CCDC30: variants seen among roughly 807,000 people sequenced by gnomAD.
CCDC30 encodes the protein coiled-coil domain containing 30, also known as coiled-coil domain-containing protein 30.
CCDC30 carries 70 observed loss-of-function variants against 100.2 expected under a neutral mutation model. That is an observed-to-expected ratio of 0.70 (90% CI 0.58 to 0.85). The LOEUF is 0.85. CCDC30 is among the 40% of genes least tolerant of loss of function. The pLI, the probability that CCDC30 is intolerant of heterozygous loss-of-function variation, is 0.00. For missense variants in CCDC30, 652 were observed against 771.2 expected, an observed-to-expected ratio of 0.85 and a Z score of 1.83; for synonymous variants, 233 against 269.5, an observed-to-expected ratio of 0.86 and a Z score of 1.33.
At chr1:42,548,512 A>G (rs1388567654) in intron 6 of CCDC30, among the ~76,000 whole-genome samples, 3 of 152,140 alleles carry the variant, frequency 2.0e-5, no homozygotes, top group East Asian at 3.9e-4. Context: ...TTATCAGTAA[A>G]ATGGATAGAA....
exon 15 of CCDC30, chr1:42,646,210 A>C: frequency 6.3e-7 from 1 of 1,579,868 alleles, no homozygotes; most frequent in Non-Finnish European, 8.6e-7. Flanking sequence ...AAAGAAACAG[A>C]AAGAAATATA....
chr1:42,528,527 G>C (rs979510459), intron 6 of CCDC30, among the ~76,000 whole-genome samples: 4 of 152,174 alleles, frequency 2.6e-5, no homozygotes, highest in Admixed American at 6.5e-5. Context: ...TTAAATGAGA[G>C]GGAGAAAGAA....
At chr1:42,581,087 C>T in intron 8 of CCDC30, 1 of 379,346 alleles carries the variant, frequency 2.6e-6, no homozygotes, top group Non-Finnish European at 4.9e-6. Context: ...GCGATTCACC[C>T]AGCTCAGCCT....
rs150309512 is a variant in CCDC30 at position 42,625,011 on chromosome 1, C to G, written c.1278-12226C>G. On this transcript the variant is annotated intron_variant, in intron 11 of 16. Transcript: ENST00000668663. ...AATTCAGCAGTGAAGCCATTGGGTT[C>G]TGGCCTTTTCTTTACTGGGGGACTT... Among the ~76,000 whole-genome samples, 688 of 152,116 alleles carry G rather than the reference C, an allele frequency of 4.5e-3. 7 individuals carry two copies. The highest frequency in any genetic ancestry group is 0.016 in the African/African-American group (653 of 41,494).
At chr1:42,589,245 T>G in intron 9 of CCDC30, 76 bp from the exon 14 acceptor site, 2 of 1,228,800 alleles carry the variant, frequency 1.6e-6, no homozygotes, top group East Asian at 2.4e-5. Context: ...AAATCCCTTG[T>G]GATGCCATAA....
At chr1:42,524,433 A>G (rs1245717991) in intron 6 of CCDC30, among the ~76,000 whole-genome samples, 1 of 152,142 alleles carries the variant, frequency 6.6e-6, no homozygotes, top group Admixed American at 6.5e-5. Flanking sequence ...AAAAAGAGAA[A>G]AATTAAGGAG....
In CCDC30 at chr1:42,610,993, C is replaced by T. The variant is rs1337346606; in HGVS notation, c.1180C>T (p.Gln394Ter). ...TGTTTTTCAGCATGTCAAAAGCAAC[C>T]AGGAATTGTCAGAGAAGCTATCTAA... Residue 394 changes from glutamine (Q) to a stop codon, truncating the protein, a stop_gained, in exon 11 of 17, where the codon CAG (glutamine) becomes TAG (stop). Transcript: ENST00000668663. LOFTEE classifies it high-confidence loss of function. The T allele has an allele frequency of 1.2e-6, 2 of 1,603,756 alleles. No homozygotes were observed. Among genetic ancestry groups the T allele is most frequent in the South Asian group, 2.2e-5 (2 of 90,590 alleles).
chr1:42,493,233 A>T (rs766605676), intron 4 of CCDC30, among the ~76,000 whole-genome samples: 68 of 152,218 alleles, frequency 4.5e-4, no homozygotes, highest in Middle Eastern at 3.4e-3. Flanking sequence ...TAAGAACAGA[A>T]TAAGAAGAGA....
At chr1:42,457,181 T>A in the CCDC30 span, 30 of 1,603,630 alleles carry the variant, frequency 1.9e-5, no homozygotes, top group Non-Finnish European at 2.3e-5. Flanking sequence ...GGAACCCGAG[T>A]TGAGAAGGAG....
intron 6 of CCDC30, among the ~76,000 whole-genome samples, chr1:42,555,931 C>T (rs1352992151): frequency 1.3e-5 from 2 of 152,180 alleles, no homozygotes; most frequent in Non-Finnish European, 2.9e-5. Context: ...ATCAGGTGAT[C>T]CGCCCATCTC....
intron 6 of CCDC30, among the ~76,000 whole-genome samples, chr1:42,507,470 A>C (rs573527001): frequency 6.6e-6 from 1 of 152,298 alleles, no homozygotes; most frequent in South Asian, 2.1e-4. Flanking sequence ...TCTTTCCATA[A>C]CTTGCTTAAA....
rs1306805697 is a variant in CCDC30, at chr1:42,615,182, T to C, written c.1277+4092T>C. ...GGTCAAAGAGTCCAGGGTGAAGTCA[T>C]AGGACAGGGAGATGAAGTAGCTATA... On this transcript the variant is annotated intron_variant, in intron 11 of 16. Transcript: ENST00000668663. Among the ~76,000 whole-genome samples, 3 of 152,172 alleles carry C rather than the reference T, an allele frequency of 2.0e-5. No homozygotes were observed. The East Asian group carries it at 5.8e-4, about 29-fold the overall frequency.
rs1166253995 is a variant in CCDC30, at chr1:42,636,965, C to CAAAAAAAAA, written c.1278-253_1278-245dup. Among the ~76,000 whole-genome samples, 97 of 29,514 alleles carry CAAAAAAAAA rather than the reference C, an allele frequency of 3.3e-3. 8 individuals are homozygous for CAAAAAAAAA. The highest frequency in any genetic ancestry group is 8.8e-3 in the South Asian group (3 of 342). 19.4% of individuals were successfully genotyped at this position (29,514 alleles called of 152,430 possible). A position where few individuals can be genotyped will look rare whatever the true frequency, so the allele number is the denominator to read the frequency against. On this transcript the variant is annotated intron_variant, in intron 11 of 16. Transcript: ENST00000668663. ...TGGGCGACAGAGCAAGACTCCATCT[C>CAAAAAAAAA]AAAAAAAAAAAAAAAAAAAAAAAAA...
At chr1:42,558,206 C>G (rs1645413354) in intron 6 of CCDC30, 1 of 223,158 alleles carries the variant, frequency 4.5e-6, no homozygotes, top group South Asian at 4.6e-5. Context: ...TCAAAAGAAG[C>G]TAAAACTTTT....
At chr1:42,608,088 G>A (rs1646539853) in intron 10 of CCDC30, among the ~76,000 whole-genome samples, 1 of 151,836 alleles carries the variant, frequency 6.6e-6, no homozygotes, top group Non-Finnish European at 1.5e-5. Flanking sequence ...CACCATGTCT[G>A]TAATTCAGCC....
intron 11 of CCDC30, among the ~76,000 whole-genome samples, chr1:42,621,616 A>T (rs943399184): frequency 2.0e-5 from 3 of 151,966 alleles, no homozygotes; most frequent in African/African-American, 7.3e-5. Flanking sequence ...GGTTCACGCC[A>T]TTCTCCTGCC....
intron 6 of CCDC30, among the ~76,000 whole-genome samples, chr1:42,516,945 CATT>C (rs1412765618): frequency 6.6e-6 from 1 of 152,100 alleles, no homozygotes; most frequent in African/African-American, 2.4e-5. Flanking sequence ...ATTATTTCCT[CATT>C]ATTGAATTAG....
chr1:42,466,258 A>T (rs1397254779), intron 1 of CCDC30, among the ~76,000 whole-genome samples: 3 of 152,172 alleles, frequency 2.0e-5, no homozygotes, highest in African/African-American at 7.2e-5. Context: ...CTTTGCTCAG[A>T]GGCAGGAGAT....
At chr1:42,550,766 T>G (rs1645235182) in intron 6 of CCDC30, among the ~76,000 whole-genome samples, 1 of 152,216 alleles carries the variant, frequency 6.6e-6, no homozygotes, top group African/African-American at 2.4e-5. Context: ...GTAGGCTATG[T>G]GAGGGCACAG....
Sources: allele counts gnomAD v4.1 joint callset (sites outside exome capture counted in the v4.1 genomes callset), GRCh38; gene constraint gnomAD v4.1.1; transcripts MANE v1.5; gene names NCBI Gene and HGNC (gene_info 2026-07-23, HGNC 2026-07-21).